Variants in TRIM50 observed in about 807,000 individuals in gnomAD.
TRIM50 encodes tripartite motif containing 50, also known as E3 ubiquitin-protein ligase TRIM50.
In TRIM50, 34 loss-of-function variants were observed where a neutral mutation model predicts 44.9. The observed-to-expected ratio is 0.76, with a 90% CI of 0.58 to 1.01. The LOEUF (loss-of-function observed/expected upper bound fraction) is 1.01, where lower values mean the gene tolerates loss of function less well. Among genes scored for constraint, TRIM50 ranks in the 50% least tolerant of loss-of-function variants. The pLI is 0.00. For synonymous variants in TRIM50, 307 were observed against 291.1 expected, an observed-to-expected ratio of 1.05 and a Z score of -0.56; for missense variants, 633 against 663.7, an observed-to-expected ratio of 0.95 and a Z score of 0.51.
chr7:73,316,846 AG>A, intron 5 of TRIM50, 157 bp from the exon 6 acceptor site: 1 of 1,114,112 alleles, frequency 9.0e-7, no homozygotes, highest in Non-Finnish European at 1.2e-6. Context: ...CAGCCCCTTC[AG>A]GGAGGACCCA....
chr7:73,314,220 T>C (rs1471089320), intron 6 of TRIM50: 1 of 351,450 alleles, frequency 2.8e-6, no homozygotes, highest in East Asian at 7.4e-5. Flanking sequence ...CCTAAGACTT[T>C]TGGCACTGGA....
chr7:73,314,536 C>A, intron 6 of TRIM50: 1 of 350,184 alleles, frequency 2.9e-6, no homozygotes, highest in Admixed American at 3.9e-5. Flanking sequence ...ACACCGTCAC[C>A]ACCTTGATGG....
chr7:73,323,413 CTA>C (rs1446103076), intron 2 of TRIM50, among the ~76,000 whole-genome samples: 1 of 152,180 alleles, frequency 6.6e-6, no homozygotes, highest in Admixed American at 6.6e-5. Context: ...CAGGGTCTCA[CTA>C]TGTTGCCCAG....
Position 73,313,096 on chromosome 7 carries a change from G to T in TRIM50, c.1289C>A (p.Ala430Asp). 6.3e-7 allele frequency: 1 copy of T among 1,593,022 alleles called. No individual in the cohort carries two copies. Among genetic ancestry groups the T allele is most frequent in the Non-Finnish European group, 8.5e-7 (1 of 1,170,450 alleles). Residue 430 changes from alanine to aspartate, a missense_variant, in exon 7 of 7, where the codon GCC (alanine) becomes GAC (aspartate). Physicochemically the swap from Ala to Asp is moderately radical, Grantham distance 126. Transcript: ENST00000333149. This position sits in a 1 kb window ranked among gnomAD's most constrained non-coding sequence, Gnocchi z 4.9. Reference sequence around the variant, plus strand: ...CGGCCGCAGGTCATCGGGGCGGTCGGCATCGAAGAAGGTGAGTTCGCCCTG... The same window carrying T: ...CGGCCGCAGGTCATCGGGGCGGTCGTCATCGAAGAAGGTGAGTTCGCCCTG... Reference protein sequence around the residue: ...YEQGELTFFDADRPDDLRPLY... With the variant: ...YEQGELTFFDDDRPDDLRPLY...
chr7:73,317,567 G>A (rs1258216015), intron 5 of TRIM50, among the ~76,000 whole-genome samples: 2 of 151,642 alleles, frequency 1.3e-5, no homozygotes, highest in Non-Finnish European at 2.9e-5. Context: ...CATGTTGGCT[G>A]GGCTGGTCTC....
Position 73,320,144 on chromosome 7 carries a change from C to A in TRIM50, c.495+3G>T, listed in dbSNP as rs568193002. On this transcript the variant is annotated splice_donor_region_variant and intron_variant, in intron 3 of 6. Transcript: ENST00000333149. ...GGCAGGGGCAGAGGGAAGGGGCACTCACGACGATTCGGGTCCGGTTGTTCA... is the reference window on the plus strand; with the variant it reads ...GGCAGGGGCAGAGGGAAGGGGCACTAACGACGATTCGGGTCCGGTTGTTCA... 3.7e-6 allele frequency: 6 copies of A among 1,612,274 alleles called. No homozygotes were observed. The South Asian group carries it at 6.7e-5, about 18-fold the overall frequency.
At chr7:73,317,353 CTTTTTTTTTTT>C (rs547252453) in intron 5 of TRIM50, among the ~76,000 whole-genome samples, 1 of 117,972 alleles carries the variant, frequency 8.5e-6, no homozygotes, top group Non-Finnish European at 1.8e-5. Flanking sequence ...CATGCCAAGA[CTTTTTTTTTTT>C]TTTTTTTTTT....
intron 2 of TRIM50, among the ~76,000 whole-genome samples, chr7:73,323,095 T>C (rs13227775): frequency 2.0e-5 from 3 of 152,334 alleles, no homozygotes; most frequent in African/African-American, 7.2e-5. Flanking sequence ...CCAGTTCCCA[T>C]CGACTTAGGT....
chr7:73,315,800 TC>T (rs1203955070), intron 6 of TRIM50, among the ~76,000 whole-genome samples: 1 of 152,214 alleles, frequency 6.6e-6, no homozygotes, highest in Non-Finnish European at 1.5e-5. Context: ...ATAGGTTGGT[TC>T]AAAAGTAATT....
rs143136651 is a variant in TRIM50 at position 73,313,726 on chromosome 7, G to A, written c.875-216C>T. On this transcript the variant is annotated intron_variant, in intron 6 of 6. Transcript: ENST00000333149. The surrounding 1 kb of genome is among the most constrained non-coding windows in gnomAD (Gnocchi z 4.9). Reference sequence around the variant, plus strand: ...AATGAATGAAGTTTTACATAAGGAAGATCAATCACAGACTGATTGCATCCA... The same window carrying A: ...AATGAATGAAGTTTTACATAAGGAAAATCAATCACAGACTGATTGCATCCA... Among the ~76,000 whole-genome samples the A allele has an allele frequency of 6.1e-4, 93 of 152,228 alleles. 1 individual carries two copies. Among genetic ancestry groups the A allele is most frequent in the African/African-American group, 2.1e-3 (87 of 41,554 alleles).
intron 1 of TRIM50, 150 bp from the exon 2 acceptor site, chr7:73,324,955 CCA>C (rs1804590234): frequency 1.5e-6 from 2 of 1,316,996 alleles, no homozygotes; most frequent in Non-Finnish European, 2.0e-6. Context: ...ACCTTGGGCC[CCA>C]GTTTCCGCAG....
chr7:73,324,850 C>G (rs1804587915), intron 1 of TRIM50, 45 bp from the exon 2 acceptor site: 10 of 1,608,326 alleles, frequency 6.2e-6, no homozygotes, highest in East Asian at 2.2e-5. Flanking sequence ...CTCCCCTCCC[C>G]CTGTCCAGCA....
intron 5 of TRIM50, 24 bp downstream of exon 5, chr7:73,318,663 C>A (rs1460885413): frequency 4.3e-6 from 7 of 1,612,898 alleles, no homozygotes; most frequent in Non-Finnish European, 5.9e-6. Context: ...CAGACCCTGG[C>A]TGAGCTCTCT....
Position 73,318,945 on chromosome 7 carries a change from G to A in TRIM50, c.603C>T (p.Thr201=), listed in dbSNP as rs782743428. The change falls in exon 4 of 7, where the codon ACC becomes ACT. Residue 201 remains threonine (T), a synonymous_variant. Coordinates refer to ENST00000333149, the MANE Select transcript of TRIM50 (RefSeq NM_178125.3). ...ARCLEGIGGH[T]RGLVASLDMQ... Reference sequence around the variant, plus strand: ...TGTCCAGGGAGGCCACCAGGCCACGGGTGTGACCCCCTATCCCCTCCAGGC... The same window carrying A: ...TGTCCAGGGAGGCCACCAGGCCACGAGTGTGACCCCCTATCCCCTCCAGGC... The A allele has an allele frequency of 6.8e-6, 11 of 1,613,848 alleles. No homozygotes were observed. Among genetic ancestry groups the A allele is most frequent in the Non-Finnish European group, 9.3e-6 (11 of 1,179,858 alleles).
At chr7:73,318,374 C>T (rs1352207080) in intron 5 of TRIM50, among the ~76,000 whole-genome samples, 2 of 152,194 alleles carry the variant, frequency 1.3e-5, no homozygotes, top group African/African-American at 4.8e-5. Flanking sequence ...TGGCCTCAAG[C>T]AATCCTCCTG....
chr7:73,318,773 G>C (rs559759790), intron 4 of TRIM50, 49 bp downstream of exon 4: 2 of 1,613,888 alleles, frequency 1.2e-6, no homozygotes, highest in Non-Finnish European at 1.7e-6. Context: ...TGTTGGGAAG[G>C]GGAAGGCCCT....
chr7:73,321,931 C>G (rs1804505947), intron 2 of TRIM50: 2 of 152,166 alleles, frequency 1.3e-5, no homozygotes, highest in African/African-American at 4.8e-5. Context: ...ATCAATGCAC[C>G]CATCAATCGA....
intron 3 of TRIM50, among the ~76,000 whole-genome samples, chr7:73,319,879 G>C (rs139912328): frequency 2.0e-5 from 3 of 152,190 alleles, no homozygotes; most frequent in Non-Finnish European, 2.9e-5. Flanking sequence ...CCCATGCTTT[G>C]AGCTGTTTAC....
At position 73,318,670 on chromosome 7, in the gene TRIM50, C is replaced by A. The variant is rs782163034; in HGVS notation, c.749+17G>T. 1.2e-6 allele frequency: 2 copies of A among 1,613,272 alleles called. No individual in the cohort carries two copies. Among genetic ancestry groups the A allele is most frequent in the East Asian group, 4.5e-5 (2 of 44,894 alleles). On this transcript the variant is annotated intron_variant, in intron 5 of 6. Transcript: ENST00000333149. ...GCAGCCACCAGACCCTGGCTGAGCT[C>A]TCTCCAAGGTTATTACCTGGAGGCC...
Sources: gnomAD v4.1 joint callset for allele counts (sites outside exome capture counted in the v4.1 genomes callset) on GRCh38, gnomAD v4.1.1 for gene constraint, Gnocchi (gnomAD v3.1) non-coding constraint, MANE v1.5 for transcripts, NCBI Gene and HGNC (gene_info 2026-07-23, HGNC 2026-07-21) for gene names.